Variants in PLGRKT observed in about 807,000 individuals in gnomAD.
The protein encoded by PLGRKT is plasminogen receptor (KT).
A neutral mutation model predicts 18.5 loss-of-function variants in PLGRKT; 22 were observed. The observed-to-expected ratio is 1.19, with a 90% CI of 0.85 to 1.70. The LOEUF (loss-of-function observed/expected upper bound fraction) is 1.70. Among genes scored for constraint, PLGRKT ranks in the 40% most tolerant of loss-of-function variants. The probability of loss-of-function intolerance (pLI) is 0.00; values close to 1 mark genes in which losing one functional copy is unlikely to be tolerated. For missense variants in PLGRKT, 235 were observed against 174.4 expected (o/e 1.35, Z -1.96); for synonymous variants, 72 against 52.8 (o/e 1.36, Z -1.58).
intron 3 of PLGRKT, among the ~76,000 whole-genome samples, chr9:5,373,318 T>C (rs974881016): frequency 2.0e-5 from 3 of 152,198 alleles, no homozygotes; most frequent in Admixed American, 6.5e-5. Context: ...GACTTCCTCT[T>C]CCTTGCTTAT....
intron 3 of PLGRKT, among the ~76,000 whole-genome samples, chr9:5,424,695 C>CATATATATATATATATATATATAT (rs1563790089): frequency 3.4e-5 from 4 of 116,726 alleles, no homozygotes; most frequent in African/African-American, 1.8e-4. Context: ...TATATATACA[C>CATATATATATATATATATATATAT]ACAGGGGGGG....
intron 3 of PLGRKT, among the ~76,000 whole-genome samples, chr9:5,422,796 T>C (rs185487347): frequency 3.9e-4 from 59 of 152,212 alleles, no homozygotes; most frequent in African/African-American, 1.4e-3. Flanking sequence ...CAAAGGAAGA[T>C]GGAATAGAAG....
chr9:5,360,120 G>C (rs1817230167), intron 5 of PLGRKT, among the ~76,000 whole-genome samples: 1 of 152,124 alleles, frequency 6.6e-6, no homozygotes, highest in Non-Finnish European at 1.5e-5. Context: ...CAAGACAAAT[G>C]TTGGAACTTC....
At chr9:5,403,179 T>G (rs1818187869) in intron 3 of PLGRKT, among the ~76,000 whole-genome samples, 2 of 151,766 alleles carry the variant, frequency 1.3e-5, no homozygotes, top group South Asian at 4.1e-4. Flanking sequence ...GGTGCTTTGT[T>G]ATACAGCGAG....
chr9:5,358,429 G>C, intron 5 of PLGRKT, 69 bp from the exon 6 acceptor site: 1 of 1,421,190 alleles, frequency 7.0e-7, no homozygotes, highest in Non-Finnish European at 9.9e-7. Flanking sequence ...AAGCCTGATT[G>C]CTATATTCCT....
At chr9:5,371,401 G>A (rs922219569) in intron 3 of PLGRKT, among the ~76,000 whole-genome samples, 2 of 152,128 alleles carry the variant, frequency 1.3e-5, no homozygotes, top group Non-Finnish European at 2.9e-5. Flanking sequence ...GGAAGTAATT[G>A]AATCATGGGG....
chr9:5,424,691 T>TATATATATATATATATACACACAC (rs201541927), intron 3 of PLGRKT, among the ~76,000 whole-genome samples: 2 of 70,486 alleles, frequency 2.8e-5, no homozygotes, highest in African/African-American at 1.2e-4. Context: ...TATATATATA[T>TATATATATATATATATACACACAC]ACACACAGGG....
At chr9:5,374,357 C>CA (rs1272534045) in intron 3 of PLGRKT, among the ~76,000 whole-genome samples, 1 of 152,158 alleles carries the variant, frequency 6.6e-6, no homozygotes, top group African/African-American at 2.4e-5. Context: ...ATTCCTCTCT[C>CA]AAAAATGATC....
chr9:5,438,342 A>C (rs1357988383), upstream of PLGRKT, among the ~76,000 whole-genome samples: 8 of 152,188 alleles, frequency 5.3e-5, no homozygotes, highest in Non-Finnish European at 8.8e-5. Context: ...GAATGCTTGA[A>C]TTGTTGGCAC....
At chr9:5,405,150 A>G (rs1371832717) in intron 3 of PLGRKT, among the ~76,000 whole-genome samples, 1 of 151,932 alleles carries the variant, frequency 6.6e-6, no homozygotes, top group Non-Finnish European at 1.5e-5. Flanking sequence ...GATGGATAGG[A>G]AGAATCAATA....
At chr9:5,401,771 G>C (rs1336210668) in intron 3 of PLGRKT, among the ~76,000 whole-genome samples, 1 of 151,844 alleles carries the variant, frequency 6.6e-6, no homozygotes. Context: ...ATTTCTTTAA[G>C]GTTGTAATAT....
chr9:5,426,913 C>A (rs931744251), intron 3 of PLGRKT, among the ~76,000 whole-genome samples: 1 of 152,174 alleles, frequency 6.6e-6, no homozygotes, highest in Non-Finnish European at 1.5e-5. Flanking sequence ...CCTTCATCTC[C>A]TTTATGGGAC....
intron 3 of PLGRKT, 112 bp from the exon 4 acceptor site, chr9:5,362,000 T>TGCTA: frequency 9.3e-7 from 1 of 1,073,522 alleles, no homozygotes; most frequent in Admixed American, 2.6e-5. Flanking sequence ...AATTCATGTT[T>TGCTA]TTTCAAAAAA....
At chr9:5,406,325 C>A (rs919059438) in intron 3 of PLGRKT, among the ~76,000 whole-genome samples, 4 of 152,146 alleles carry the variant, frequency 2.6e-5, no homozygotes, top group African/African-American at 9.7e-5. Context: ...TTCACTGCAG[C>A]ACTATTCACA....
intron 4 of PLGRKT, among the ~76,000 whole-genome samples, chr9:5,361,557 C>A (rs753090274): frequency 4.6e-5 from 7 of 152,308 alleles, no homozygotes; most frequent in Middle Eastern, 3.4e-3. Context: ...GAGAAAAAGA[C>A]AGAAGCAACC....
rs554487361 is a variant in PLGRKT at position 5,424,698 on chromosome 9, A to ACACACACAC, written c.81+7198_81+7199insGTGTGTGTG. ...TATATATATATATATATATACACAC[A>ACACACACAC]GGGGGGGGAGAGAGGGAGAGACAGA... is the stretch of plus-strand genomic sequence containing the variant. On this transcript the variant is annotated intron_variant, in intron 3 of 5. Coordinates refer to ENST00000223864, the MANE Select transcript of PLGRKT (RefSeq NM_018465.4). Among the ~76,000 whole-genome samples the ACACACACAC allele has an allele frequency of 2.7e-3, 204 of 75,202 alleles. 2 individuals carry two copies. The highest frequency in any genetic ancestry group is 0.014 in the East Asian group (49 of 3,412). The allele number at this position is 75,202 out of a possible 152,430, so 49.3% of individuals were successfully genotyped here. A position where few individuals can be genotyped will look rare whatever the true frequency, so the allele number is the denominator to read the frequency against.
chr9:5,390,237 A>G (rs76161158), intron 3 of PLGRKT, among the ~76,000 whole-genome samples: 21 of 80,782 alleles, frequency 2.6e-4, no homozygotes, highest in African/African-American at 5.1e-4. Context: ...GTGTGTGTGT[A>G]TGTGTATATA....
intron 3 of PLGRKT, among the ~76,000 whole-genome samples, chr9:5,404,287 C>T (rs1818213702): frequency 6.6e-6 from 1 of 152,184 alleles, no homozygotes; most frequent in African/African-American, 2.4e-5. Context: ...AGGACAGCAT[C>T]ATCCCGATAC....
chr9:5,424,504 T>C (rs1158184242), intron 3 of PLGRKT, among the ~76,000 whole-genome samples: 1 of 122,010 alleles, frequency 8.2e-6, no homozygotes, highest in Non-Finnish European at 1.6e-5. Context: ...TATTAACATA[T>C]AATATATAAC....
Sources: allele counts gnomAD v4.1 joint callset (sites outside exome capture counted in the v4.1 genomes callset), GRCh38; gene constraint gnomAD v4.1.1; transcripts MANE v1.5; gene names NCBI Gene and HGNC (gene_info 2026-07-23, HGNC 2026-07-21).